Variants in LARP4B observed in about 807,000 individuals in gnomAD.
LARP4B encodes la-related protein 4B.
Under a neutral mutation model 89.8 loss-of-function variants are expected in LARP4B, and 12 were observed. The observed-to-expected ratio is 0.13, with a 90% CI of 0.09 to 0.22. LARP4B has a LOEUF of 0.22. Among genes scored for constraint, LARP4B ranks in the 10% least tolerant of loss-of-function variants. The pLI is 1.00. For missense variants in LARP4B, 757 were observed against 947.7 expected, an observed-to-expected ratio of 0.80 and a Z score of 2.64; for synonymous variants, 367 against 363.3, an observed-to-expected ratio of 1.01 and a Z score of -0.12.
At chr10:841,431 T>C (rs1002239074) in intron 7 of LARP4B, among the ~76,000 whole-genome samples, 3 of 152,028 alleles carry the variant, frequency 2.0e-5, no homozygotes, top group South Asian at 2.1e-4. Flanking sequence ...TGGGACGAAA[T>C]AGGTGACAAG....
At chr10:912,658 G>A (rs2132024790) in intron 1 of LARP4B, among the ~76,000 whole-genome samples, 1 of 141,914 alleles carries the variant, frequency 7.0e-6, no homozygotes, top group South Asian at 2.2e-4. Flanking sequence ...GATCCCTTGA[G>A]CTCAAGAGGT....
At chr10:876,116 T>C (rs2131897385) in intron 3 of LARP4B, among the ~76,000 whole-genome samples, 1 of 152,302 alleles carries the variant, frequency 6.6e-6, no homozygotes, top group South Asian at 2.1e-4. Context: ...CCAGGTGCGA[T>C]GGCTCACGCC....
At chr10:829,806 A>C in intron 9 of LARP4B, 72 bp from the exon 10 acceptor site, 1 of 955,936 alleles carries the variant, frequency 1.0e-6, no homozygotes, top group Non-Finnish European at 1.7e-6. Flanking sequence ...AGTTCACTCA[A>C]TAGCTCAAAT....
At chr10:827,797 G>A (rs767568052) in intron 11 of LARP4B, among the ~76,000 whole-genome samples, 7 of 152,292 alleles carry the variant, frequency 4.6e-5, no homozygotes, top group South Asian at 2.1e-4. Flanking sequence ...CAGAGCCTAC[G>A]GACTCAAGTC....
chr10:923,758 T>C (rs143889907), intron 1 of LARP4B, among the ~76,000 whole-genome samples: 314 of 152,322 alleles, frequency 2.1e-3, no homozygotes, highest in African/African-American at 6.9e-3. Flanking sequence ...CTATACCAAA[T>C]TGATCACTAG....
intron 1 of LARP4B, among the ~76,000 whole-genome samples, chr10:889,039 C>T (rs1397026525): frequency 3.9e-5 from 6 of 152,016 alleles, no homozygotes; most frequent in South Asian, 4.1e-4. Flanking sequence ...AAGCCGAGAT[C>T]GCACCACTGC....
chr10:856,699 G>C (rs541440230), intron 5 of LARP4B, among the ~76,000 whole-genome samples: 74 of 152,290 alleles, frequency 4.9e-4, no homozygotes, highest in African/African-American at 1.4e-3. Flanking sequence ...TCTGGAGCTC[G>C]ATCAGGTCCT....
chr10:848,898 C>T (rs12249828), intron 5 of LARP4B, among the ~76,000 whole-genome samples: 25,430 of 152,060 alleles, frequency 0.17, 2,297 homozygotes, highest in Non-Finnish European at 0.19. Context: ...TTGCTTGTTA[C>T]AGTTTCAATC....
chr10:854,002 T>C (rs866767720), intron 5 of LARP4B, among the ~76,000 whole-genome samples: 3 of 152,254 alleles, frequency 2.0e-5, no homozygotes, highest in African/African-American at 7.2e-5. Flanking sequence ...GCTAGGTTTA[T>C]GGAATATTCT....
intron 5 of LARP4B, among the ~76,000 whole-genome samples, chr10:858,272 C>A (rs1367474711): frequency 6.6e-6 from 1 of 152,056 alleles, no homozygotes. Context: ...TTTTTTTTAA[C>A]AGGCGTGCCA....
chr10:885,304 C>G (rs1835819951), intron 2 of LARP4B, among the ~76,000 whole-genome samples: 2 of 152,088 alleles, frequency 1.3e-5, no homozygotes, highest in African/African-American at 4.8e-5. Context: ...CATGCTTCTC[C>G]ACAACTGTCA....
At chr10:922,795 G>A (rs971407528) in intron 1 of LARP4B, among the ~76,000 whole-genome samples, 4 of 152,226 alleles carry the variant, frequency 2.6e-5, no homozygotes, top group East Asian at 3.9e-4. Context: ...TACGCAGGCC[G>A]GGCACAGTGG....
chr10:959,446 T>TC, the LARP4B span, among the ~76,000 whole-genome samples: 20 of 41,482 alleles, frequency 4.8e-4, no homozygotes, highest in African/African-American at 1.5e-3. Context: ...TCCCCATCAA[T>TC]CCACCTCCCC....
rs368362649 is a variant in LARP4B at position 840,316 on chromosome 10, C to T, written c.646+2616G>A. On this transcript the variant is annotated intron_variant, in intron 7 of 17. Transcript: ENST00000316157. ...TCGCCCAACTCACCTGCCCCCATGACGTGACACTGAATGATGAGCTTCAAT... is the reference window on the plus strand; with the variant it reads ...TCGCCCAACTCACCTGCCCCCATGATGTGACACTGAATGATGAGCTTCAAT... 1.2e-3 allele frequency among the ~76,000 whole-genome samples: 180 copies of T among 152,298 alleles called. 1 individual carries two copies. The South Asian group carries it at 0.036, about 30-fold the overall frequency.
At chr10:823,847 G>A (rs981101219) in intron 13 of LARP4B, among the ~76,000 whole-genome samples, 6 of 152,122 alleles carry the variant, frequency 3.9e-5, no homozygotes, top group South Asian at 2.1e-4. Flanking sequence ...AAGGCCTGTT[G>A]AGCCAACCTG....
the LARP4B span, among the ~76,000 whole-genome samples, chr10:969,730 A>G: frequency 2.6e-5 from 4 of 152,060 alleles, no homozygotes; most frequent in Non-Finnish European, 5.9e-5. Flanking sequence ...CTCTGTCTCA[A>G]AAAAAAATAA....
the LARP4B span, among the ~76,000 whole-genome samples, chr10:974,846 G>T: frequency 1.1e-3 from 173 of 152,346 alleles, 1 homozygote; most frequent in Non-Finnish European, 7.3e-4. Flanking sequence ...AACAAATGTC[G>T]GCTGTCACTG....
chr10:949,634 T>A, the LARP4B span, among the ~76,000 whole-genome samples: 1 of 152,250 alleles, frequency 6.6e-6, no homozygotes, highest in Admixed American at 6.5e-5. Context: ...TTTTCAGCCA[T>A]GTGGATAGAT....
At chr10:841,190 T>TA (rs1199972089) in intron 7 of LARP4B, among the ~76,000 whole-genome samples, 78 of 151,368 alleles carry the variant, frequency 5.2e-4, no homozygotes, top group Non-Finnish European at 7.1e-4. Context: ...CAACTTAATT[T>TA]AAAAAAAAAG....
Sources: allele counts gnomAD v4.1 joint callset (sites outside exome capture counted in the v4.1 genomes callset), GRCh38; gene constraint gnomAD v4.1.1; transcripts MANE v1.5; gene names NCBI Gene and HGNC (gene_info 2026-07-23, HGNC 2026-07-21).